Variants in NXPE2 observed in about 807,000 individuals in gnomAD.
NXPE2 encodes NXPE family member 2.
Under a neutral mutation model 34.4 loss-of-function variants are expected in NXPE2, and 34 were observed. That is an observed-to-expected ratio of 0.99 (90% CI 0.75 to 1.31). The LOEUF (loss-of-function observed/expected upper bound fraction) is 1.31, where lower values mean the gene tolerates loss of function less well. NXPE2 is among the 40% of genes most tolerant of loss of function. The pLI is 0.00. For missense variants in NXPE2, 649 were observed against 672.5 expected (o/e 0.97, Z 0.39); for synonymous variants, 235 against 231.3 (o/e 1.02, Z -0.15).
chr11:114,714,757 C>T, the NXPE2 span, among the ~76,000 whole-genome samples: 1 of 152,168 alleles, frequency 6.6e-6, no homozygotes, highest in Non-Finnish European at 1.5e-5. Context: ...GACGCAGTGG[C>T]TCACACCTAT....
chr11:114,702,992 T>A (rs1951394693), intron 3 of NXPE2, among the ~76,000 whole-genome samples: 1 of 151,994 alleles, frequency 6.6e-6, no homozygotes, highest in Admixed American at 6.6e-5. Context: ...TCCGATAGAG[T>A]GAATTCAATT....
At chr11:114,727,776 C>CACACACAA in the NXPE2 span, among the ~76,000 whole-genome samples, 8,697 of 124,466 alleles carry the variant, frequency 0.07, 307 homozygotes, top group Non-Finnish European at 0.09. Context: ...GTGTACACAA[C>CACACACAA]ACACACACAC....
At chr11:114,538,256 T>G in the NXPE2 span, among the ~76,000 whole-genome samples, 2 of 152,222 alleles carry the variant, frequency 1.3e-5, no homozygotes, top group Non-Finnish European at 2.9e-5. Context: ...ATGCCTTCCT[T>G]ACACCTTATA....
the NXPE2 span, among the ~76,000 whole-genome samples, chr11:114,651,425 G>A: frequency 2.0e-5 from 3 of 152,268 alleles, no homozygotes; most frequent in Admixed American, 2.0e-4. Flanking sequence ...AAACGTTTGC[G>A]GTGAGTGTTA....
chr11:114,619,134 C>T, the NXPE2 span, among the ~76,000 whole-genome samples: 1 of 151,976 alleles, frequency 6.6e-6, no homozygotes. Context: ...TCGTGGGTAA[C>T]CACTGTTACC....
the NXPE2 span, among the ~76,000 whole-genome samples, chr11:114,772,857 C>T: frequency 2.0e-5 from 3 of 152,270 alleles, no homozygotes; most frequent in Admixed American, 6.5e-5. Flanking sequence ...CCCTGGAAAT[C>T]GTCTCAGCAT....
chr11:114,692,685 C>A (rs757097294), intron 2 of NXPE2, among the ~76,000 whole-genome samples: 3 of 152,232 alleles, frequency 2.0e-5, no homozygotes, highest in Non-Finnish European at 2.9e-5. Context: ...GCTGGGCCAG[C>A]TGTTTTAAAT....
At chr11:114,571,638 C>G in the NXPE2 span, among the ~76,000 whole-genome samples, 2 of 152,174 alleles carry the variant, frequency 1.3e-5, no homozygotes, top group Admixed American at 6.5e-5. Flanking sequence ...TTTGAACAGT[C>G]AAAAGTGTTA....
chr11:114,667,723 C>T, the NXPE2 span, among the ~76,000 whole-genome samples: 1 of 152,030 alleles, frequency 6.6e-6, no homozygotes, highest in Non-Finnish European at 1.5e-5. Flanking sequence ...CTGAGGCCTC[C>T]TGACAACAGC....
the NXPE2 span, chr11:114,518,465 A>G: frequency 6.6e-6 from 1 of 152,218 alleles, no homozygotes; most frequent in Non-Finnish European, 1.5e-5. Flanking sequence ...AAACCTTGAC[A>G]AAAAGGGAAT....
At chr11:114,684,354 G>A (rs1951004542) in intron 2 of NXPE2, among the ~76,000 whole-genome samples, 1 of 151,080 alleles carries the variant, frequency 6.6e-6, no homozygotes, top group African/African-American at 2.4e-5. Flanking sequence ...ATGAACCTGG[G>A]AGGCAGAGCT....
chr11:114,594,687 TA>T, the NXPE2 span: 1 of 1,601,974 alleles, frequency 6.2e-7, no homozygotes, highest in Non-Finnish European at 8.5e-7. Flanking sequence ...TGGAAAACTG[TA>T]AAAATGATCC....
In NXPE2 at chr11:114,705,808, A is replaced by G. The variant is rs374175174; in HGVS notation, c.956A>G (p.Gln319Arg). 9.7e-5 allele frequency: 146 copies of G among 1,509,104 alleles called. No homozygotes were observed. In the Middle Eastern group the frequency reaches 5.3e-3, roughly 55 times the overall value. The allele number at this position is 1,509,104 out of a possible 1,614,324, so 93.5% of individuals were successfully genotyped here. Residue 319 changes from glutamine (Q) to arginine (R), a missense_variant, in exon 5 of 6, where the codon CAG becomes CGG. By Grantham distance (43) the Gln-to-Arg change is conservative. Transcript: ENST00000389586. ...NKSENIKKNCQIGMKTPFPSG... is the reference protein window; with the variant it reads ...NKSENIKKNCRIGMKTPFPSG... ...AGCGAGAACATAAAAAAGAACTGCC[A>G]GATTGGAATGAAGACTCCTTTCCCC...
At chr11:114,723,335 A>C in the NXPE2 span, among the ~76,000 whole-genome samples, 2 of 152,176 alleles carry the variant, frequency 1.3e-5, no homozygotes, top group African/African-American at 4.8e-5. Context: ...GAAAGTAAAG[A>C]AGGAGAGAAG....
At chr11:114,538,354 A>G in the NXPE2 span, among the ~76,000 whole-genome samples, 96 of 152,350 alleles carry the variant, frequency 6.3e-4, no homozygotes, top group African/African-American at 2.3e-3. Context: ...AGTACCATTC[A>G]GGCCATAGGC....
chr11:114,640,154 T>G, the NXPE2 span, among the ~76,000 whole-genome samples: 1 of 75,052 alleles, frequency 1.3e-5, no homozygotes, highest in African/African-American at 6.4e-5. Flanking sequence ...ATATGATATA[T>G]TAATAATATA....
the NXPE2 span, among the ~76,000 whole-genome samples, chr11:114,603,183 T>C: frequency 3.9e-5 from 6 of 151,936 alleles, no homozygotes; most frequent in Non-Finnish European, 7.4e-5. Context: ...TGGTGGATGA[T>C]AAGTATTGCC....
At chr11:114,580,099 G>C in the NXPE2 span, 3 of 1,528,740 alleles carry the variant, frequency 2.0e-6, no homozygotes, top group Non-Finnish European at 2.7e-6. Context: ...GTTTCTGAAA[G>C]GGGTAAGAAT....
the NXPE2 span, among the ~76,000 whole-genome samples, chr11:114,534,976 T>C: frequency 2.0e-5 from 3 of 152,216 alleles, no homozygotes; most frequent in Non-Finnish European, 4.4e-5. Context: ...CGACACATAA[T>C]TGTCAAATTC....
Sources: gnomAD v4.1 joint callset for allele counts (sites outside exome capture counted in the v4.1 genomes callset) on GRCh38, gnomAD v4.1.1 for gene constraint, MANE v1.5 for transcripts, NCBI Gene and HGNC (gene_info 2026-07-23, HGNC 2026-07-21) for gene names.